The following PDE4D variants were observed in gnomAD, a reference collection of about 807,000 sequenced individuals.
The protein encoded by PDE4D is 3',5'-cyclic-AMP phosphodiesterase 4D.
In PDE4D, 24 loss-of-function variants were observed where a neutral mutation model predicts 87.4. The observed-to-expected ratio is 0.27, with a 90% confidence interval of 0.20 to 0.39. The LOEUF is 0.39. Ranked by LOEUF, PDE4D falls within the 10% of genes least tolerant of loss-of-function variation. The probability of loss-of-function intolerance (pLI) is 1.00; values close to 1 mark genes in which losing one functional copy is unlikely to be tolerated. For synonymous variants in PDE4D, 384 were observed against 383.2 expected (o/e 1.00, Z -0.02); for missense variants, 714 against 1,041.0 (o/e 0.69, Z 4.32).
At chr5:59,441,828 A>G (rs1272419229) in intron 1 of PDE4D, among the ~76,000 whole-genome samples, 2 of 152,204 alleles carry the variant, frequency 1.3e-5, no homozygotes, top group Non-Finnish European at 2.9e-5. Flanking sequence ...TTTGCATTCC[A>G]GTGTATTTAC....
intron 1 of PDE4D, among the ~76,000 whole-genome samples, chr5:59,791,134 C>T (rs1472895920): frequency 6.6e-6 from 1 of 152,188 alleles, no homozygotes; most frequent in African/African-American, 2.4e-5. Context: ...CTAATTGTTC[C>T]TAATGTCAAC....
intron 1 of PDE4D, among the ~76,000 whole-genome samples, chr5:59,816,063 T>A (rs189804739): frequency 1.1e-4 from 17 of 152,360 alleles, no homozygotes; most frequent in Admixed American, 6.5e-4. Flanking sequence ...CTGAAAGACC[T>A]GGCAGTGAAG....
intron 1 of PDE4D, among the ~76,000 whole-genome samples, chr5:59,806,569 T>C (rs1284669024): frequency 6.6e-6 from 1 of 152,246 alleles, no homozygotes; most frequent in Admixed American, 6.5e-5. Context: ...GTGTGAAATT[T>C]TACAGAAATA....
intron 1 of PDE4D, among the ~76,000 whole-genome samples, chr5:59,461,410 A>C (rs1357920038): frequency 6.6e-6 from 1 of 152,164 alleles, no homozygotes; most frequent in Non-Finnish European, 1.5e-5. Context: ...AAGAAACATC[A>C]AAAAATTAAA....
intron 2 of PDE4D, among the ~76,000 whole-genome samples, chr5:60,019,799 G>T (rs527726195): frequency 6.6e-6 from 1 of 152,078 alleles, no homozygotes; most frequent in Non-Finnish European, 1.5e-5. Flanking sequence ...AAGGCTATTC[G>T]CTTTCTTACC....
chr5:60,421,661 G>A (rs896340739), intron 1 of PDE4D, among the ~76,000 whole-genome samples: 9 of 152,246 alleles, frequency 5.9e-5, no homozygotes, highest in South Asian at 2.1e-4. Flanking sequence ...AGCTCCTCAC[G>A]AGCTATGGAA....
At chr5:59,268,537 G>C (rs1002875131) in intron 1 of PDE4D, among the ~76,000 whole-genome samples, 1 of 152,042 alleles carries the variant, frequency 6.6e-6, no homozygotes, top group Non-Finnish European at 1.5e-5. Flanking sequence ...TTTGGTGCTT[G>C]TGGCTGAAGT....
At chr5:59,811,971 G>A (rs1290727156) in intron 1 of PDE4D, among the ~76,000 whole-genome samples, 4 of 152,100 alleles carry the variant, frequency 2.6e-5, no homozygotes, top group East Asian at 1.9e-4. Context: ...TTTCCCCATC[G>A]TGAGGGTTGA....
At position 60,406,145 on chromosome 5, in the gene PDE4D, A is replaced by G. The variant is rs577144003; in HGVS notation, c.-90+81797T>C. Among the ~76,000 whole-genome samples, 95 of 151,172 alleles carry G rather than the reference A, an allele frequency of 6.3e-4. 1 individual carries two copies. Among genetic ancestry groups the G allele is most frequent in the African/African-American group, 2.2e-3 (88 of 40,494 alleles). Reference sequence around the variant, plus strand: ...CAAAACAACAATAAGACAAAATTTCATATCTGCAGTGACATAGAATGGATA... The same window carrying G: ...CAAAACAACAATAAGACAAAATTTCGTATCTGCAGTGACATAGAATGGATA... On this transcript the variant is annotated intron_variant, in intron 1 of 16. Transcript: ENST00000502484.
chr5:59,260,558 CT>C (rs374252187), intron 1 of PDE4D, among the ~76,000 whole-genome samples: 22 of 151,666 alleles, frequency 1.5e-4, no homozygotes, highest in African/African-American at 5.3e-4. Flanking sequence ...AGTAAGTTAG[CT>C]AAAACTTTTC....
chr5:59,531,076 A>G (rs1561137365), intron 1 of PDE4D, among the ~76,000 whole-genome samples: 1 of 152,260 alleles, frequency 6.6e-6, no homozygotes, highest in Non-Finnish European at 1.5e-5. Flanking sequence ...GTTTGCTTAT[A>G]GAAAAATAAG....
intron 1 of PDE4D, among the ~76,000 whole-genome samples, chr5:59,695,243 A>T (rs1208318773): frequency 1.3e-5 from 2 of 151,360 alleles, no homozygotes; most frequent in Non-Finnish European, 2.9e-5. Flanking sequence ...TTCCAGTGTG[A>T]GTCTTCTGCC....
chr5:60,277,213 A>C (rs1485693164), intron 1 of PDE4D, among the ~76,000 whole-genome samples: 2 of 152,098 alleles, frequency 1.3e-5, no homozygotes, highest in Non-Finnish European at 2.9e-5. Context: ...AAGCCAGTAC[A>C]AGACAAGGAT....
chr5:60,464,592 G>A (rs1747201871), intron 1 of PDE4D, among the ~76,000 whole-genome samples: 1 of 152,194 alleles, frequency 6.6e-6, no homozygotes, highest in Non-Finnish European at 1.5e-5. Context: ...CCTGGAAGCA[G>A]TCAGTGCCTG....
At chr5:59,454,087 G>A (rs1799549208) in intron 1 of PDE4D, among the ~76,000 whole-genome samples, 1 of 152,148 alleles carries the variant, frequency 6.6e-6, no homozygotes, top group Non-Finnish European at 1.5e-5. Flanking sequence ...GCAAAGCCTA[G>A]ATGGCAGCAC....
chr5:59,779,120 C>G (rs939398230), intron 1 of PDE4D, among the ~76,000 whole-genome samples: 1 of 151,928 alleles, frequency 6.6e-6, no homozygotes, highest in Non-Finnish European at 1.5e-5. Flanking sequence ...CGAGATTGCA[C>G]CGCTGCACTC....
chr5:59,506,892 A>T (rs1176245209), intron 1 of PDE4D, among the ~76,000 whole-genome samples: 1 of 152,222 alleles, frequency 6.6e-6, no homozygotes, highest in African/African-American at 2.4e-5. Context: ...GTCTTCAAAA[A>T]ATGCATGCCT....
chr5:59,757,691 G>C (rs1444018019), intron 1 of PDE4D, among the ~76,000 whole-genome samples: 1 of 152,130 alleles, frequency 6.6e-6, no homozygotes, highest in African/African-American at 2.4e-5. Flanking sequence ...GGCTCTTCCA[G>C]AGTCAAACCT....
At chr5:59,971,137 T>C (rs373803866) in intron 3 of PDE4D, among the ~76,000 whole-genome samples, 3 of 140,480 alleles carry the variant, frequency 2.1e-5, no homozygotes, top group East Asian at 2.1e-4. Context: ...TATTCTCACT[T>C]ATAGGTGGGA....
Sources: allele counts gnomAD v4.1 joint callset (sites outside exome capture counted in the v4.1 genomes callset), GRCh38; gene constraint gnomAD v4.1.1; transcripts MANE v1.5; gene names NCBI Gene and HGNC (gene_info 2026-07-23, HGNC 2026-07-21).